GRID2: variants seen among roughly 807,000 people sequenced by gnomAD.
GRID2 encodes the protein glutamate ionotropic receptor delta type subunit 2.
In GRID2, 33 loss-of-function variants were observed where a neutral mutation model predicts 114.8. The ratio of observed to expected loss-of-function variants is 0.29; its 90% CI spans 0.22 to 0.38. The LOEUF (loss-of-function observed/expected upper bound fraction) is 0.38, where lower values mean the gene tolerates loss of function less well. Among genes scored for constraint, GRID2 ranks in the 10% least tolerant of loss-of-function variants. The pLI, the probability that GRID2 is intolerant of heterozygous loss-of-function variation, is 1.00. For synonymous variants in GRID2, 505 were observed against 449.9 expected (o/e 1.12, Z -1.55); for missense variants, 1,184 against 1,257.7 (o/e 0.94, Z 0.89).
chr4:92,826,360 C>T (rs1741697378), intron 2 of GRID2, among the ~76,000 whole-genome samples: 1 of 152,100 alleles, frequency 6.6e-6, no homozygotes, highest in Non-Finnish European at 1.5e-5. Flanking sequence ...TTCCTGGATG[C>T]ACCATCTAAT....
chr4:92,597,429 T>C (rs78018868), intron 2 of GRID2, among the ~76,000 whole-genome samples: 2,518 of 152,306 alleles, frequency 0.017, 58 homozygotes, highest in African/African-American at 0.057. Flanking sequence ...CTCTACATCA[T>C]AATTTTATAG....
At chr4:93,509,010 G>A (rs1415470279) in intron 12 of GRID2, among the ~76,000 whole-genome samples, 1 of 152,206 alleles carries the variant, frequency 6.6e-6, no homozygotes, top group Non-Finnish European at 1.5e-5. Context: ...GGTTGTTTCT[G>A]AGAATGGAAA....
At chr4:92,621,744 A>G (rs1356090394) in intron 2 of GRID2, among the ~76,000 whole-genome samples, 1 of 151,880 alleles carries the variant, frequency 6.6e-6, no homozygotes, top group Non-Finnish European at 1.5e-5. Context: ...GTGGTTTTAA[A>G]AGAAGAGCAG....
In GRID2 at chr4:93,774,454, T is replaced by C. The variant is rs1419548900; in HGVS notation, c.*1956T>C. The C allele has an allele frequency of 2.0e-5, 3 of 152,148 alleles. No homozygotes were observed. Among genetic ancestry groups the C allele is most frequent in the African/African-American group, 7.2e-5 (3 of 41,462 alleles). The allele number at this position is 152,148 out of a possible 1,614,324, so 9.4% of individuals were successfully genotyped here. A position where few individuals can be genotyped will look rare whatever the true frequency, so the allele number is the denominator to read the frequency against. ...AGGCTTATTTTGATGTATCGCCTAT[T>C]ATACAAACACACAAAACATTTTTGG... On this transcript the variant is annotated 3_prime_UTR_variant, in exon 16 of 16. Transcript: ENST00000282020.
At chr4:93,756,915 A>G (rs1028117906) in intron 14 of GRID2, among the ~76,000 whole-genome samples, 3 of 152,230 alleles carry the variant, frequency 2.0e-5, no homozygotes, top group African/African-American at 7.2e-5. Flanking sequence ...GATTGAGAAT[A>G]TAAGAAGTGC....
chr4:92,515,344 T>G (rs1724447982), intron 1 of GRID2, among the ~76,000 whole-genome samples: 1 of 151,936 alleles, frequency 6.6e-6, no homozygotes, highest in African/African-American at 2.4e-5. Flanking sequence ...AAAACTAATC[T>G]TCTAATTAAA....
chr4:93,784,616 T>C (rs1279191804), intron 1 of GRID2, among the ~76,000 whole-genome samples: 1 of 149,732 alleles, frequency 6.7e-6, no homozygotes, highest in African/African-American at 2.5e-5. Flanking sequence ...ATTCAACAAT[T>C]GTATTTTATA....
At chr4:92,347,343 G>C (rs572220499) in intron 1 of GRID2, among the ~76,000 whole-genome samples, 1 of 151,904 alleles carries the variant, frequency 6.6e-6, no homozygotes, top group African/African-American at 2.4e-5. Flanking sequence ...GTGTAGATAT[G>C]CCTCCATATT....
At chr4:93,192,747 C>CAAAA (rs775968274) in intron 4 of GRID2, among the ~76,000 whole-genome samples, 17 of 43,714 alleles carry the variant, frequency 3.9e-4, no homozygotes, top group African/African-American at 1.0e-3. Context: ...AACTCCATCT[C>CAAAA]AAAAAAAAAA....
At chr4:92,930,826 A>C (rs750333212) in intron 2 of GRID2, among the ~76,000 whole-genome samples, 3 of 151,150 alleles carry the variant, frequency 2.0e-5, no homozygotes, top group Non-Finnish European at 4.4e-5. Context: ...AACAAGAAAA[A>C]ATAAAATAAT....
chr4:92,357,065 A>C (rs1728364212), intron 1 of GRID2, among the ~76,000 whole-genome samples: 1 of 151,822 alleles, frequency 6.6e-6, no homozygotes, highest in East Asian at 1.9e-4. Context: ...CAGTGTAAAG[A>C]GGATTAGGGT....
intron 14 of GRID2, among the ~76,000 whole-genome samples, chr4:93,637,725 G>A (rs1250124237): frequency 6.6e-6 from 1 of 152,134 alleles, no homozygotes; most frequent in Non-Finnish European, 1.5e-5. Context: ...GGACGATACT[G>A]AAATATTTTC....
chr4:92,462,374 AACT>A (rs1721540915), intron 1 of GRID2, among the ~76,000 whole-genome samples: 1 of 152,042 alleles, frequency 6.6e-6, no homozygotes, highest in Non-Finnish European at 1.5e-5. Context: ...GGAGAGAATT[AACT>A]GCCTTTCATT....
chr4:92,728,642 T>C (rs899160131), intron 2 of GRID2, among the ~76,000 whole-genome samples: 1 of 151,882 alleles, frequency 6.6e-6, no homozygotes, highest in Admixed American at 6.6e-5. Flanking sequence ...GTATTCTGTT[T>C]GTAAGAAGTG....
At chr4:93,325,284 T>C (rs1009547659) in intron 8 of GRID2, among the ~76,000 whole-genome samples, 2 of 152,122 alleles carry the variant, frequency 1.3e-5, no homozygotes, top group African/African-American at 4.8e-5. Flanking sequence ...ATGTGTCTTC[T>C]TTCTTCCTAC....
rs539989428 is a variant in GRID2 at position 92,372,214 on chromosome 4, A to G, written c.88+67470A>G. ...ATAATAGATTTAGAGTATTTAATTAACCTAATTGATAAAGCTAGCATGGTT... is the reference window on the plus strand; with the variant it reads ...ATAATAGATTTAGAGTATTTAATTAGCCTAATTGATAAAGCTAGCATGGTT... On this transcript the variant is annotated intron_variant, in intron 1 of 15. Transcript: ENST00000282020. 3.9e-5 allele frequency among the ~76,000 whole-genome samples: 6 copies of G among 152,294 alleles called. No homozygotes were observed. The East Asian group carries it at 1.2e-3, about 29-fold the overall frequency.
At chr4:93,621,175 C>G (rs1742187640) in intron 13 of GRID2, among the ~76,000 whole-genome samples, 1 of 152,082 alleles carries the variant, frequency 6.6e-6, no homozygotes, top group Admixed American at 6.6e-5. Context: ...GAAATGGGAA[C>G]AAAACCTAGC....
intron 1 of GRID2, among the ~76,000 whole-genome samples, chr4:92,371,767 T>C (rs563264812): frequency 6.6e-6 from 1 of 152,324 alleles, no homozygotes; most frequent in South Asian, 2.1e-4. Flanking sequence ...AGCCTTATTA[T>C]TTAATAAAAA....
At chr4:93,426,794 T>C (rs937622343) in intron 10 of GRID2, among the ~76,000 whole-genome samples, 1 of 152,028 alleles carries the variant, frequency 6.6e-6, no homozygotes, top group Non-Finnish European at 1.5e-5. Flanking sequence ...CTTTTGCAAA[T>C]AAAAAATTGA....
Sources: allele counts gnomAD v4.1 joint callset (sites outside exome capture counted in the v4.1 genomes callset), GRCh38; gene constraint gnomAD v4.1.1; transcripts MANE v1.5; gene names NCBI Gene and HGNC (gene_info 2026-07-23, HGNC 2026-07-21).